The following NCOR1 variants were observed in gnomAD, a reference collection of about 807,000 sequenced individuals.
NCOR1 encodes the protein protein phosphatase 1, regulatory subunit 109.
A neutral mutation model predicts 288.1 loss-of-function variants in NCOR1; 63 were observed. The observed-to-expected ratio is 0.22, with a 90% CI of 0.18 to 0.27. The LOEUF (loss-of-function observed/expected upper bound fraction) is 0.27. Ranked by LOEUF, NCOR1 falls within the 10% of genes least tolerant of loss-of-function variation. The pLI is 1.00. For missense variants in NCOR1, 2,397 were observed against 3,019.2 expected (o/e 0.79, Z 4.83); for synonymous variants, 1,007 against 1,065.9 (o/e 0.94, Z 1.08).
intron 1 of NCOR1, among the ~76,000 whole-genome samples, chr17:16,197,586 A>G (rs1381481489): frequency 6.6e-6 from 1 of 152,220 alleles, no homozygotes; most frequent in African/African-American, 2.4e-5. Flanking sequence ...TCTGAAGATC[A>G]GAGAAAGTCA....
rs2087383291 is a variant in NCOR1 at position 16,188,804 on chromosome 17, C to T, written c.109-2117G>A. Among the ~76,000 whole-genome samples, 6 of 151,150 alleles carry T rather than the reference C, an allele frequency of 4.0e-5. No homozygotes were observed. In the South Asian group the frequency reaches 1.3e-3, roughly 32 times the overall value. Reference sequence around the variant, plus strand: ...CTTTGGGAGGCCAAGGCAGGCGGATCCCTTGAGGTCAGGATTTCGAGACCA... The same window carrying T: ...CTTTGGGAGGCCAAGGCAGGCGGATTCCTTGAGGTCAGGATTTCGAGACCA... On this transcript the variant is annotated intron_variant, in intron 2 of 45. Transcript: ENST00000268712.
chr17:16,143,823 A>G, intron 10 of NCOR1, 127 bp from the exon 11 acceptor site: 2 of 639,570 alleles, frequency 3.1e-6, no homozygotes, highest in Non-Finnish European at 5.4e-6. Context: ...AACATAAAAT[A>G]CTATTGAGTA....
chr17:16,199,581 T>C (rs2090480747), intron 1 of NCOR1, among the ~76,000 whole-genome samples: 1 of 152,102 alleles, frequency 6.6e-6, no homozygotes, highest in Non-Finnish European at 1.5e-5. Context: ...CTAAGATACC[T>C]CGGCAGAATA....
intron 32 of NCOR1, among the ~76,000 whole-genome samples, chr17:16,067,280 A>G (rs946783946): frequency 5.9e-5 from 9 of 152,256 alleles, no homozygotes; most frequent in African/African-American, 4.8e-5. Flanking sequence ...ACTTAATGAC[A>G]TAATTTGTAA....
In NCOR1 at chr17:16,062,174, C is replaced by G. The variant is rs199717260; in HGVS notation, c.5318G>C (p.Ser1773Thr). 6.2e-7 allele frequency: 1 copy of G among 1,614,092 alleles called. No homozygotes were observed. Among genetic ancestry groups the G allele is most frequent in the African/African-American group, 1.3e-5 (1 of 75,030 alleles). ...TQETMLQQRP[S>T]VFQGTNGTSV... ...GGTTCCATTGGTTCCTTGGAAAACA[C>G]TGGGTCTCTGTTGCAACATGGTCTC... Residue 1773 changes from serine to threonine, a missense_variant, in exon 36 of 46, where the codon AGT becomes ACT. Ser to Thr is a moderately conservative substitution (Grantham distance 58). This residue lies in a region of NCOR1 where 1,872 missense variants were observed against 2,187.8 expected (regional missense o/e 0.86). Transcript: ENST00000268712.
In NCOR1 at chr17:16,061,453, C is replaced by T. The variant is rs761830574; in HGVS notation, c.5829G>A (p.Ser1943=). Residue 1943 remains serine, a synonymous_variant, in exon 37 of 46, where the codon TCG becomes TCA. Coordinates refer to ENST00000268712, the MANE Select transcript of NCOR1 (RefSeq NM_006311.4). The part of the protein sequence containing the change: ...IDVIITRQIA[S]DKDARERGSQ... ...AGCCACGTTCCCTCGCATCCTTGTC[C>T]GAGGCAATTTGCCGGGTGATGATCA... The T allele has an allele frequency of 3.7e-6, 6 of 1,614,056 alleles. No individual in the cohort carries two copies. Among genetic ancestry groups the T allele is most frequent in the African/African-American group, 2.7e-5 (2 of 74,914 alleles).
intron 40 of NCOR1, among the ~76,000 whole-genome samples, chr17:16,051,461 C>A (rs2059299901): frequency 6.6e-6 from 1 of 152,118 alleles, no homozygotes; most frequent in Non-Finnish European, 1.5e-5. Context: ...AACAAAGATA[C>A]AACGTACCAG....
At chr17:16,181,772 G>C (rs905839095) in intron 3 of NCOR1, among the ~76,000 whole-genome samples, 8 of 152,080 alleles carry the variant, frequency 5.3e-5, no homozygotes, top group African/African-American at 1.9e-4. Context: ...GGACAGACAG[G>C]ATATGGTCAG....
intron 19 of NCOR1, among the ~76,000 whole-genome samples, chr17:16,104,496 A>T (rs1401646820): frequency 6.6e-6 from 1 of 152,120 alleles, no homozygotes; most frequent in Non-Finnish European, 1.5e-5. Context: ...ATAGGCTGAG[A>T]GTGGTGGCTC....
chr17:16,114,797 T>C (rs2071211255), intron 18 of NCOR1, among the ~76,000 whole-genome samples: 1 of 152,236 alleles, frequency 6.6e-6, no homozygotes. Flanking sequence ...GCCTCCTTCC[T>C]GGCTGTTTTC....
chr17:16,037,488 A>G (rs1475126763), intron 44 of NCOR1, among the ~76,000 whole-genome samples: 1 of 152,188 alleles, frequency 6.6e-6, no homozygotes, highest in East Asian at 1.9e-4. Flanking sequence ...CAATCAAAAC[A>G]AAAAACAAGG....
intron 5 of NCOR1, among the ~76,000 whole-genome samples, chr17:16,159,947 A>G (rs958599435): frequency 6.6e-6 from 1 of 151,270 alleles, no homozygotes; most frequent in African/African-American, 2.4e-5. Context: ...CTCCTGCCTC[A>G]GCCTCCTGAG....
chr17:16,058,047 A>G lies in NCOR1; in HGVS notation c.6028T>C (p.Tyr2010His). The G allele has an allele frequency of 6.2e-6, 10 of 1,614,084 alleles. No individual in the cohort carries two copies. Among genetic ancestry groups the G allele is most frequent in the Non-Finnish European group, 7.6e-6 (9 of 1,179,994 alleles). Residue 2010 changes from tyrosine (Y) to histidine (H), a missense_variant, in exon 39 of 46, where the codon TAT becomes CAT. Around this residue, in one of 11 missense-constraint regions of NCOR1, gnomAD observed 1,872 missense variants for 2,187.8 expected, o/e 0.86. Transcript: ENST00000268712. Reference sequence around the variant, plus strand: ...CGATAGTGATGTAATGGTCCTTCATATTGTCTGGTAGGATCATCTAGGAGA... The same window carrying G: ...CGATAGTGATGTAATGGTCCTTCATGTTGTCTGGTAGGATCATCTAGGAGA... ...NQAENDPTRQ[Y>H]EGPLHHYRPQ... is the part of the protein sequence containing the mutation.
intron 21 of NCOR1, among the ~76,000 whole-genome samples, chr17:16,092,424 T>G (rs1239005259): frequency 6.6e-6 from 1 of 151,508 alleles, no homozygotes; most frequent in Non-Finnish European, 1.5e-5. Flanking sequence ...GAGGCAGAGG[T>G]TGCAGTGGGC....
intron 1 of NCOR1, chr17:16,198,322 C>T (rs1600421560): frequency 6.9e-6 from 1 of 144,150 alleles, no homozygotes; most frequent in South Asian, 2.2e-4. Flanking sequence ...TGCGCCACTA[C>T]CCTCTAGCCT....
rs139298826 is a variant in NCOR1, at chr17:16,210,775, G to A, written c.-71+4587C>T. ...GGCAGAGTCTCACTCAGTCACCCAGGCTGGAGTGCAGTGGCGCAATCTCGG... is the reference window on the plus strand; with the variant it reads ...GGCAGAGTCTCACTCAGTCACCCAGACTGGAGTGCAGTGGCGCAATCTCGG... On this transcript the variant is annotated intron_variant, in intron 1 of 45. Transcript: ENST00000268712. 3.1e-3 allele frequency among the ~76,000 whole-genome samples: 465 copies of A among 151,282 alleles called. 6 individuals carry two copies. The highest frequency in any genetic ancestry group is 0.01 in the African/African-American group (429 of 41,134).
At chr17:16,127,683 GTA>G (rs1250893455) in intron 14 of NCOR1, among the ~76,000 whole-genome samples, 1 of 144,950 alleles carries the variant, frequency 6.9e-6, no homozygotes, top group African/African-American at 2.5e-5. Context: ...ATGTGTATGT[GTA>G]TATATACATA....
chr17:16,140,355 T>C (rs1462699741), intron 11 of NCOR1, among the ~76,000 whole-genome samples: 1 of 152,232 alleles, frequency 6.6e-6, no homozygotes, highest in Admixed American at 6.5e-5. Context: ...AGCTCTTGAT[T>C]ATACTGCTAC....
chr17:16,117,003 A>G (rs1411497874), intron 18 of NCOR1, among the ~76,000 whole-genome samples: 1 of 152,226 alleles, frequency 6.6e-6, no homozygotes, highest in African/African-American at 2.4e-5. Flanking sequence ...CATTTGATTG[A>G]TATTTTTATG....
Sources: gnomAD v4.1 joint callset for allele counts (sites outside exome capture counted in the v4.1 genomes callset) on GRCh38, gnomAD v4.1.1 for gene constraint, gnomAD v4.1.1 regional missense constraint, MANE v1.5 for transcripts, NCBI Gene and HGNC (gene_info 2026-07-23, HGNC 2026-07-21) for gene names.